Variants in SCAF8 observed in about 807,000 individuals in gnomAD.
SCAF8 encodes SR-related CTD associated factor 8.
Under a neutral mutation model 140.5 loss-of-function variants are expected in SCAF8, and 23 were observed. That is an observed-to-expected ratio of 0.16 (90% CI 0.12 to 0.23). SCAF8 has a LOEUF of 0.23. Ranked by LOEUF, SCAF8 falls within the 10% of genes least tolerant of loss-of-function variation. The pLI, the probability that SCAF8 is intolerant of heterozygous loss-of-function variation, is 1.00. For missense variants in SCAF8, 1,397 were observed against 1,555.7 expected (o/e 0.90, Z 1.72); for synonymous variants, 575 against 528.9 (o/e 1.09, Z -1.20).
chr6:154,742,010 A>G (rs1177386550), intron 1 of SCAF8: 1 of 1,532,344 alleles, frequency 6.5e-7, no homozygotes, highest in African/African-American at 1.4e-5. Context: ...CATGGACACA[A>G]GAAGCATAGT....
rs1777542913 is a variant in SCAF8, at chr6:154,794,778, GGGGTGTGTGTGT to G, written c.476-229_476-218del. Among the ~76,000 whole-genome samples the G allele has an allele frequency of 2.1e-3, 142 of 68,528 alleles. 9 individuals carry two copies. Among genetic ancestry groups the G allele is most frequent in the African/African-American group, 6.2e-3 (86 of 13,824 alleles). The allele number at this position is 68,528 out of a possible 152,430, so 45.0% of individuals were successfully genotyped here. On this transcript the variant is annotated intron_variant, in intron 5 of 19. Transcript: ENST00000367178. Reference sequence around the variant, plus strand: ...TTTTGGTGGGGGGGGGGGGGTGTGGGGGGTGTGTGTGTGTGTGTGTGTGTGTGTGTGTGTGTG... The same window carrying G: ...TTTTGGTGGGGGGGGGGGGGTGTGGGGTGTGTGTGTGTGTGTGTGTGTGTG...
chr6:154,794,768 G>C (rs1215116946), intron 5 of SCAF8, among the ~76,000 whole-genome samples: 2 of 80,126 alleles, frequency 2.5e-5, no homozygotes, highest in Admixed American at 1.2e-4. Context: ...GTGGGGGGGG[G>C]GGGGTGTGGG....
intron 3 of SCAF8, among the ~76,000 whole-genome samples, chr6:154,785,835 A>T (rs544030958): frequency 9.8e-5 from 15 of 152,312 alleles, no homozygotes; most frequent in African/African-American, 3.1e-4. Flanking sequence ...CATTCTCCCT[A>T]TTCGTTCTTA....
At chr6:154,822,684 G>A (rs1162689054) in intron 16 of SCAF8, among the ~76,000 whole-genome samples, 2 of 152,120 alleles carry the variant, frequency 1.3e-5, no homozygotes, top group African/African-American at 4.8e-5. Context: ...ATGTTTTTCT[G>A]AGGAGTCAAA....
At position 154,733,538 on chromosome 6, in the gene SCAF8, G is replaced by A. The variant is rs1054432545; in HGVS notation, c.-363G>A. On this transcript the variant is annotated 5_prime_UTR_variant, in exon 1 of 20. Coordinates refer to ENST00000367178, the MANE Select transcript of SCAF8 (RefSeq NM_014892.5). ...GAGCCCGTCGGAGGAAGGGGCAGAA[G>A]GGAGTGGAGAGTGTAGGGGAAGGGG... 24 of 1,296,114 alleles carry A rather than the reference G, an allele frequency of 1.9e-5. No homozygotes were observed. In the African/African-American group the frequency reaches 2.6e-4, roughly 14 times the overall value. 80.3% of individuals were successfully genotyped at this position (1,296,114 alleles called of 1,614,324 possible). A position where few individuals can be genotyped will look rare whatever the true frequency, so the allele number is the denominator to read the frequency against.
rs912442558 is a variant in SCAF8, at chr6:154,790,805, T to C, written c.322-2018T>C. 7.2e-5 allele frequency among the ~76,000 whole-genome samples: 11 copies of C among 152,272 alleles called. No homozygotes were observed. The South Asian group carries it at 2.3e-3, about 32-fold the overall frequency. On this transcript the variant is annotated intron_variant, in intron 4 of 19. Coordinates refer to ENST00000367178, the MANE Select transcript of SCAF8 (RefSeq NM_014892.5). ...GATTACAGGCGTGAGCCACTGCACC[T>C]GGCCTCTTTTTTCGTACTTGATTTT...
chr6:154,772,834 A>T lies in SCAF8; in HGVS notation c.31-1155A>T, dbSNP rs542447583. Among the ~76,000 whole-genome samples, 3 of 152,090 alleles carry T rather than the reference A, an allele frequency of 2.0e-5. No individual in the cohort carries two copies. The South Asian group carries it at 6.2e-4, about 32-fold the overall frequency. On this transcript the variant is annotated intron_variant, in intron 1 of 19. Coordinates refer to ENST00000367178, the MANE Select transcript of SCAF8 (RefSeq NM_014892.5). ...GAGTGTAGTAGTGCAATCTCTGCTC[A>T]CTGCAACCTCCACCTCTTGGGTTCA...
At chr6:154,766,524 T>A (rs904725992) in intron 1 of SCAF8, among the ~76,000 whole-genome samples, 3 of 152,144 alleles carry the variant, frequency 2.0e-5, no homozygotes, top group African/African-American at 7.2e-5. Flanking sequence ...TTCTGCTGCT[T>A]CCTGACCGTC....
chr6:154,756,768 T>G (rs896137149), intron 1 of SCAF8, among the ~76,000 whole-genome samples: 1 of 152,168 alleles, frequency 6.6e-6, no homozygotes, highest in African/African-American at 2.4e-5. Context: ...GGCTCACACC[T>G]GTAATCCCAG....
intron 6 of SCAF8, among the ~76,000 whole-genome samples, chr6:154,796,229 A>G (rs1777598427): frequency 6.6e-6 from 1 of 152,072 alleles, no homozygotes; most frequent in African/African-American, 2.4e-5. Flanking sequence ...TATGAGGGGC[A>G]TATTCTCCTT....
intron 9 of SCAF8, among the ~76,000 whole-genome samples, chr6:154,806,035 G>A (rs72993460): frequency 6.6e-6 from 1 of 152,146 alleles, no homozygotes; most frequent in Non-Finnish European, 1.5e-5. Flanking sequence ...CAGAGGAAGT[G>A]GAAGCTTGGT....
intron 13 of SCAF8, among the ~76,000 whole-genome samples, chr6:154,817,328 T>C (rs1301240117): frequency 6.6e-6 from 1 of 152,208 alleles, no homozygotes; most frequent in Admixed American, 6.5e-5. Flanking sequence ...ATGATCGTAT[T>C]TGTAATCTTT....
intron 1 of SCAF8, among the ~76,000 whole-genome samples, chr6:154,753,474 T>C (rs1418025635): frequency 6.8e-6 from 1 of 147,706 alleles, no homozygotes; most frequent in East Asian, 2.0e-4. Context: ...CTCAAAAAAA[T>C]AAATTAAAAA....
At chr6:154,739,310 A>C (rs2114788423) in intron 1 of SCAF8, among the ~76,000 whole-genome samples, 1 of 152,298 alleles carries the variant, frequency 6.6e-6, no homozygotes, top group South Asian at 2.1e-4. Context: ...TTAAATTTTA[A>C]GTACTTTAAA....
intron 15 of SCAF8, 148 bp downstream of exon 15, chr6:154,820,481 A>T: frequency 3.3e-6 from 2 of 606,784 alleles, no homozygotes; most frequent in Non-Finnish European, 5.6e-6. Flanking sequence ...CCTAGTGTAC[A>T]TGCTTAATGG....
At chr6:154,827,696 G>C (rs1034246987) in intron 18 of SCAF8, among the ~76,000 whole-genome samples, 1 of 152,068 alleles carries the variant, frequency 6.6e-6, no homozygotes, top group Non-Finnish European at 1.5e-5. Context: ...AGCACCAAAG[G>C]CTTGCTTAGA....
intron 1 of SCAF8, among the ~76,000 whole-genome samples, chr6:154,734,500 A>T (rs991347168): frequency 1.9e-4 from 29 of 152,194 alleles, no homozygotes; most frequent in Admixed American, 1.8e-3. Flanking sequence ...AGGCAGGCAA[A>T]GGTTATTCTG....
intron 1 of SCAF8, among the ~76,000 whole-genome samples, chr6:154,734,183 C>T (rs148113141): frequency 0.018 from 2,810 of 152,282 alleles, 88 homozygotes; most frequent in African/African-American, 0.064. Flanking sequence ...GGAATGGCTG[C>T]GAGCTCGGAG....
At chr6:154,769,769 C>G (rs1028910049) in intron 1 of SCAF8, among the ~76,000 whole-genome samples, 4 of 152,020 alleles carry the variant, frequency 2.6e-5, no homozygotes, top group African/African-American at 9.7e-5. Context: ...GTGTTGTGTC[C>G]TATATGTATT....
Sources: gnomAD v4.1 joint callset for allele counts (sites outside exome capture counted in the v4.1 genomes callset) on GRCh38, gnomAD v4.1.1 for gene constraint, MANE v1.5 for transcripts, NCBI Gene and HGNC (gene_info 2026-07-23, HGNC 2026-07-21) for gene names.